TRAPPC9: variants seen among roughly 807,000 people sequenced by gnomAD.
TRAPPC9 encodes the protein IKK2 binding protein.
TRAPPC9 carries 83 observed loss-of-function variants against 124.0 expected under a neutral mutation model. The observed-to-expected ratio is 0.67, with a 90% confidence interval of 0.56 to 0.80. The LOEUF (loss-of-function observed/expected upper bound fraction) is 0.80, where lower values mean the gene tolerates loss of function less well. TRAPPC9 is among the 30% of genes least tolerant of loss of function. The pLI, the probability that TRAPPC9 is intolerant of heterozygous loss-of-function variation, is 0.00. For missense variants in TRAPPC9, 1,302 were observed against 1,508.3 expected (o/e 0.86, Z 2.27); for synonymous variants, 638 against 617.5 (o/e 1.03, Z -0.49).
intron 17 of TRAPPC9, among the ~76,000 whole-genome samples, chr8:140,200,445 G>C (rs1587910481): frequency 6.6e-6 from 1 of 151,954 alleles, no homozygotes; most frequent in South Asian, 2.1e-4. Flanking sequence ...TATAGAAAGG[G>C]GACCAAAAAG....
intron 17 of TRAPPC9, among the ~76,000 whole-genome samples, chr8:140,172,288 G>A (rs78543790): frequency 0.021 from 3,182 of 152,108 alleles, 35 homozygotes; most frequent in South Asian, 0.036. Flanking sequence ...GGATGGTATC[G>A]GATTGAAAAA....
At chr8:139,992,565 A>G (rs755441919) in intron 18 of TRAPPC9, among the ~76,000 whole-genome samples, 1 of 151,612 alleles carries the variant, frequency 6.6e-6, no homozygotes, top group East Asian at 1.9e-4. Context: ...AAATTTCTAT[A>G]AACTCAATGC....
chr8:139,970,527 GC>G (rs1339497547), intron 19 of TRAPPC9, among the ~76,000 whole-genome samples: 5 of 152,140 alleles, frequency 3.3e-5, no homozygotes, highest in African/African-American at 1.2e-4. Flanking sequence ...CCAGAGAGAG[GC>G]CCCTTCATAC....
rs73714862 is a variant in TRAPPC9, at chr8:140,323,198, G to T, written c.1496-11824C>A. Among the ~76,000 whole-genome samples the T allele has an allele frequency of 8.4e-3, 1,278 of 152,298 alleles. 16 individuals carry two copies. The highest frequency in any genetic ancestry group is 0.029 in the African/African-American group (1,209 of 41,544). ...GAGAGCTTGCAAATAACAGCTAGGGGCTCCTGGAGGGTGGTACACCTGGAG... is the reference window on the plus strand; with the variant it reads ...GAGAGCTTGCAAATAACAGCTAGGGTCTCCTGGAGGGTGGTACACCTGGAG... On this transcript the variant is annotated intron_variant, in intron 9 of 22. Coordinates refer to ENST00000438773, the MANE Select transcript of TRAPPC9 (RefSeq NM_001160372.4).
intron 19 of TRAPPC9, among the ~76,000 whole-genome samples, chr8:139,946,456 CT>C: frequency 6.6e-6 from 1 of 152,314 alleles, no homozygotes; most frequent in East Asian, 1.9e-4. Flanking sequence ...CTCCCTTGTC[CT>C]CTGGAGTCGG....
chr8:139,806,189 G>A (rs1333977396), intron 21 of TRAPPC9: 1 of 152,246 alleles, frequency 6.6e-6, no homozygotes, highest in Non-Finnish European at 1.5e-5. Flanking sequence ...CAGGGCTCCC[G>A]GAGATCAAAT....
At chr8:140,207,803 T>C (rs1237382416) in intron 17 of TRAPPC9, among the ~76,000 whole-genome samples, 1 of 152,212 alleles carries the variant, frequency 6.6e-6, no homozygotes, top group African/African-American at 2.4e-5. Flanking sequence ...CAGGTGTTTC[T>C]AGGCTTCCTC....
intron 17 of TRAPPC9, among the ~76,000 whole-genome samples, chr8:140,136,225 G>A (rs1199616757): frequency 6.6e-6 from 1 of 152,108 alleles, no homozygotes. Context: ...GAAGGACCTG[G>A]TATGGATATT....
intron 17 of TRAPPC9, among the ~76,000 whole-genome samples, chr8:140,176,445 CCA>C (rs2062073343): frequency 6.6e-6 from 1 of 152,216 alleles, no homozygotes; most frequent in Non-Finnish European, 1.5e-5. Flanking sequence ...TGTCTTGCTT[CCA>C]CAGACAGTAA....
intron 17 of TRAPPC9, among the ~76,000 whole-genome samples, chr8:140,218,142 C>T (rs182146109): frequency 1.2e-3 from 182 of 152,182 alleles, no homozygotes; most frequent in Non-Finnish European, 2.1e-3. Flanking sequence ...AGCTGCACGA[C>T]GCCACCACGA....
At chr8:140,007,687 T>A (rs965511853) in intron 18 of TRAPPC9, among the ~76,000 whole-genome samples, 3 of 152,226 alleles carry the variant, frequency 2.0e-5, no homozygotes, top group Non-Finnish European at 2.9e-5. Flanking sequence ...TACTTTTTTT[T>A]AATTGATGTT....
At chr8:140,018,656 A>G (rs1052440724) in intron 18 of TRAPPC9, among the ~76,000 whole-genome samples, 31 of 152,152 alleles carry the variant, frequency 2.0e-4, no homozygotes, top group Admixed American at 8.5e-4. Context: ...ATTGAGTGGC[A>G]TCCTGCAATC....
intron 21 of TRAPPC9, among the ~76,000 whole-genome samples, chr8:139,872,904 A>T (rs1380090916): frequency 5.3e-3 from 2 of 376 alleles, no homozygotes; most frequent in Admixed American, 0.024. Context: ...GGGTGGATGG[A>T]TGGATGGATG....
chr8:139,950,510 A>G (rs1247390655), intron 19 of TRAPPC9, among the ~76,000 whole-genome samples: 4 of 152,256 alleles, frequency 2.6e-5, no homozygotes, highest in Non-Finnish European at 5.9e-5. Context: ...GACAGCATTA[A>G]GCAAGATAAC....
chr8:140,220,257 T>G (rs578261789), intron 17 of TRAPPC9, among the ~76,000 whole-genome samples: 2 of 152,300 alleles, frequency 1.3e-5, no homozygotes, highest in Admixed American at 1.3e-4. Context: ...CAAAAAATTA[T>G]GAGACATGCA....
chr8:140,161,567 G>C (rs1348646323), intron 17 of TRAPPC9, among the ~76,000 whole-genome samples: 1 of 152,080 alleles, frequency 6.6e-6, no homozygotes, highest in East Asian at 1.9e-4. Context: ...TGATAATCTG[G>C]TGTCTGAAAC....
intron 18 of TRAPPC9, among the ~76,000 whole-genome samples, chr8:140,020,350 A>C (rs1364955275): frequency 6.6e-6 from 1 of 152,214 alleles, no homozygotes; most frequent in Non-Finnish European, 1.5e-5. Context: ...TAATACAAAC[A>C]TTTACTGTAT....
Position 140,269,369 on chromosome 8 carries a change from G to A in TRAPPC9, c.2278+6289C>T, listed in dbSNP as rs2064801940. Among the ~76,000 whole-genome samples the A allele has an allele frequency of 2.0e-5, 3 of 151,966 alleles. No homozygotes were observed. The South Asian group carries it at 6.2e-4, about 32-fold the overall frequency. ...ATCCTGGCTAACACGGTGAAACCCT[G>A]TCTCTACTAAAAATACAAAAAATTA... On this transcript the variant is annotated intron_variant, in intron 15 of 22. Coordinates refer to ENST00000438773, the MANE Select transcript of TRAPPC9 (RefSeq NM_001160372.4).
At chr8:140,409,953 G>C (rs989480253) in intron 5 of TRAPPC9, among the ~76,000 whole-genome samples, 1 of 151,976 alleles carries the variant, frequency 6.6e-6, no homozygotes, top group South Asian at 2.1e-4. Context: ...CCTGATCAAC[G>C]TGGCAAAATC....
Sources: gnomAD v4.1 joint callset for allele counts (sites outside exome capture counted in the v4.1 genomes callset) on GRCh38, gnomAD v4.1.1 for gene constraint, MANE v1.5 for transcripts, NCBI Gene and HGNC (gene_info 2026-07-23, HGNC 2026-07-21) for gene names.